Variants in STRC observed in about 807,000 individuals in gnomAD.
STRC encodes stereocilin.
In STRC, 43 loss-of-function variants were observed where a neutral mutation model predicts 103.5. That is an observed-to-expected ratio of 0.42 (90% CI 0.33 to 0.54). STRC has a LOEUF of 0.54. Ranked by LOEUF, STRC falls within the 20% of genes least tolerant of loss-of-function variation. The pLI is 0.14. For missense variants in STRC, 499 were observed against 1,088.5 expected (o/e 0.46, Z 7.62); for synonymous variants, 186 against 442.3 (o/e 0.42, Z 7.27).
chr15:43,603,638 A>G, intron 22 of STRC: 1 of 648,346 alleles, frequency 1.5e-6, no homozygotes, highest in Non-Finnish European at 2.7e-6. Flanking sequence ...GATGTTATTC[A>G]GAGATTTAAT....
intron 23 of STRC, chr15:43,602,630 T>G (rs1237630176): frequency 6.4e-6 from 1 of 155,676 alleles, no homozygotes; most frequent in Non-Finnish European, 1.4e-5. Context: ...CGCAAATTCA[T>G]GAAGCATGCC....
chr15:43,600,786 A>G lies in STRC; in HGVS notation c.4844+86T>C, dbSNP rs999717999. 34 of 1,613,130 alleles carry G rather than the reference A, an allele frequency of 2.1e-5. 1 individual carries two copies. The highest frequency in any genetic ancestry group is 2.9e-5 in the Non-Finnish European group (34 of 1,179,524). ...GGCTTCAAATGAGTTCCCTTCCTCCATGGGACCAGACCTTCATGATCCTTC... is the reference window on the plus strand; with the variant it reads ...GGCTTCAAATGAGTTCCCTTCCTCCGTGGGACCAGACCTTCATGATCCTTC... On this transcript the variant is annotated intron_variant, in intron 25 of 28. Coordinates refer to ENST00000450892, the MANE Select transcript of STRC (RefSeq NM_153700.2).
chr15:43,604,713 A>C lies in STRC; in HGVS notation c.4064T>G (p.Phe1355Cys). Residue 1355 changes from phenylalanine to cysteine, a missense_variant, in exon 20 of 29, where the codon TTC becomes TGC. By Grantham distance (205) the Phe-to-Cys change is radical. Coordinates refer to ENST00000450892, the MANE Select transcript of STRC (RefSeq NM_153700.2). The part of the protein sequence containing the change: ...LLSHLSQLQG[F>C]CLGETFATEL... ...TGTGGCAAATGTCTCTCCTAGGCAG[A>C]AGCCTTGCAGCTGACTGAGATGGGA... The C allele has an allele frequency of 6.2e-7, 1 of 1,613,676 alleles. No individual in the cohort carries two copies. The highest frequency in any genetic ancestry group is 8.5e-7 in the Non-Finnish European group (1 of 1,179,712).
rs898365337 is a variant in STRC at position 43,604,797 on chromosome 15, G to T, written c.3980C>A (p.Pro1327His). The T allele has an allele frequency of 1.2e-6, 2 of 1,613,226 alleles. No homozygotes were observed. Among genetic ancestry groups the T allele is most frequent in the Non-Finnish European group, 1.7e-6 (2 of 1,179,556 alleles). Residue 1327 changes from proline (P) to histidine (H), a missense_variant, in exon 20 of 29, where the codon CCT (proline) becomes CAT (histidine). Pro to His is a moderately conservative substitution (Grantham distance 77). Transcript: ENST00000450892. ...VSGEVLETLG[P>H]LVGFLGTEST... ...CTCTGTCCCCAGGAATCCAACCAAA[G>T]GGCCTAAGGTCTCCAGCACTTCCCC... is the stretch of plus-strand genomic sequence containing the variant.
intron 23 of STRC, chr15:43,602,635 C>T (rs985072990): frequency 1.9e-5 from 3 of 154,346 alleles, no homozygotes; most frequent in Non-Finnish European, 4.2e-5. Context: ...ATTCATGAAG[C>T]ATGCCTTTTT....
intron 21 of STRC, 92 bp from the exon 22 acceptor site, chr15:43,604,244 C>T: frequency 6.3e-7 from 1 of 1,596,150 alleles, no homozygotes; most frequent in Non-Finnish European, 8.6e-7. Context: ...CTCTGTTTTG[C>T]AGTCTCCCCC....
rs887637368 is a variant in STRC at position 43,601,523 on chromosome 15, G to A, written c.4574C>T (p.Pro1525Leu). The A allele has an allele frequency of 1.2e-6, 2 of 1,613,716 alleles. No individual in the cohort carries two copies. Among genetic ancestry groups the A allele is most frequent in the Admixed American group, 3.3e-5 (2 of 59,988 alleles). Residue 1525 changes from proline (P) to leucine (L), a missense_variant, in exon 24 of 29, where the codon CCT (proline) becomes CTT (leucine). Coordinates refer to ENST00000450892, the MANE Select transcript of STRC (RefSeq NM_153700.2). ...CCTACCAAGCTGCAGGATCTGCTCAGGACGAAATCCCCGGGGGGGACCCCA... is the reference window on the plus strand; with the variant it reads ...CCTACCAAGCTGCAGGATCTGCTCAAGACGAAATCCCCGGGGGGGACCCCA... Reference protein sequence around the residue: ...QLWGPPRGFRPEQILQLGRLL... With the variant: ...QLWGPPRGFRLEQILQLGRLL...
intron 22 of STRC, 40 bp from the exon 23 acceptor site, chr15:43,603,451 T>C: frequency 6.3e-7 from 1 of 1,596,902 alleles, no homozygotes; most frequent in Non-Finnish European, 8.6e-7. Flanking sequence ...AGCGCAGTAA[T>C]AAAATATGCC....
Position 43,609,250 on chromosome 15 carries a change from C to A in STRC, c.3557+26G>T, listed in dbSNP as rs200248996. On this transcript the variant is annotated intron_variant, in intron 16 of 28. Transcript: ENST00000450892. The stretch of plus-strand genomic sequence containing the variant: ...TCAAAAAAATGTTGGTCGAATTCAG[C>A]GCACTGCTCAACACAAGTTACTCAC... 3 of 1,607,888 alleles carry A rather than the reference C, an allele frequency of 1.9e-6. No homozygotes were observed. In the East Asian group the frequency reaches 6.8e-5, roughly 36 times the overall value.
At chr15:43,600,785 C>G in intron 25 of STRC, 87 bp downstream of exon 25, 1 of 1,613,090 alleles carries the variant, frequency 6.2e-7, no homozygotes, top group Non-Finnish European at 8.5e-7. Flanking sequence ...TCCCTTCCTC[C>G]ATGGGACCAG....
chr15:43,600,882 A>C lies in STRC; in HGVS notation c.4834T>G (p.Trp1612Gly). The change falls in exon 25 of 29, where the codon TGG becomes GGG. Residue 1612 changes from tryptophan (W) to glycine (G), a missense_variant. Coordinates refer to ENST00000450892, the MANE Select transcript of STRC (RefSeq NM_153700.2). ...RPEELQHISS[W>G]EFSQAALFLG... is the part of the protein sequence containing the mutation. The stretch of plus-strand genomic sequence containing the variant: ...CCCTTCACAAATGACCTGAACTCCC[A>C]ACTGCTGATGTGCTGGAGCTCCTCT... 1 of 1,613,220 alleles carries C rather than the reference A, an allele frequency of 6.2e-7. No individual in the cohort carries two copies. Among genetic ancestry groups the C allele is most frequent in the Non-Finnish European group, 8.5e-7 (1 of 1,179,784 alleles).
intron 22 of STRC, 148 bp downstream of exon 22, chr15:43,603,848 A>G: frequency 1.4e-6 from 2 of 1,454,270 alleles, no homozygotes; most frequent in Non-Finnish European, 1.8e-6. Context: ...AGAATTCTAG[A>G]ACTACAAGAG....
intron 20 of STRC, 45 bp from the exon 21 acceptor site, chr15:43,604,496 G>T (rs1175284671): frequency 6.4e-7 from 1 of 1,570,984 alleles, no homozygotes; most frequent in African/African-American, 1.4e-5. Context: ...TGAGGGAACT[G>T]TGAGGAAAAG....
rs1214845005 is a variant in STRC, at chr15:43,608,084, C to T, written c.3677G>A (p.Ser1226Asn). ...IYQLPTRVRGSLRACIWAELQ... is the reference protein window; with the variant it reads ...IYQLPTRVRGNLRACIWAELQ... ...AGTCCAGGCACCCCCTCTCACCAGG[C>T]TCCCTCGAACTCTAGTGGGCAGCTG... Residue 1226 changes from serine to asparagine, a missense_variant, in exon 17 of 29, where the codon AGC (serine) becomes AAC (asparagine). By Grantham distance (46) the Ser-to-Asn change is conservative (BLOSUM62 1). Transcript: ENST00000450892. 5 of 1,610,212 alleles carry T rather than the reference C, an allele frequency of 3.1e-6. No homozygotes were observed. In the Admixed American group the frequency reaches 8.4e-5, roughly 27 times the overall value.
At chr15:43,601,595 TG>T (rs1441327044) in intron 23 of STRC, 44 bp from the exon 24 acceptor site, 1 of 1,602,898 alleles carries the variant, frequency 6.2e-7, no homozygotes, top group South Asian at 1.1e-5. Context: ...AGCAGTGGAT[TG>T]GGAGTCATAC....
intron 15 of STRC, 189 bp from the exon 16 acceptor site, chr15:43,609,523 G>A: frequency 3.2e-6 from 2 of 625,458 alleles, no homozygotes; most frequent in Middle Eastern, 3.7e-4. Flanking sequence ...AAAAGGGAAG[G>A]AGAAAGAAAA....
Position 43,607,960 on chromosome 15 carries a change from C to T in STRC, c.3697G>A (p.Ala1233Thr), listed in dbSNP as rs1484309377. The change falls in exon 18 of 29, where the codon GCA becomes ACA. Residue 1233 changes from alanine to threonine, a missense_variant. Transcript: ENST00000450892. ...VRGSLRACIW[A>T]ELQRRMAMPE... Reference sequence around the variant, plus strand: ...ATTGCCATCCTCCGCTGTAGCTCTGCCCAGATACAGGCCCTCTGTAGGGAA... The same window carrying T: ...ATTGCCATCCTCCGCTGTAGCTCTGTCCAGATACAGGCCCTCTGTAGGGAA... The T allele has an allele frequency of 5.0e-6, 8 of 1,610,134 alleles. No homozygotes were observed. Among genetic ancestry groups the T allele is most frequent in the South Asian group, 1.1e-5 (1 of 91,004 alleles).
Position 43,604,056 on chromosome 15 carries a change from C to A in STRC, c.4315G>T (p.Ala1439Ser). Residue 1439 changes from alanine (A) to serine (S), a missense_variant, in exon 22 of 29, where the codon GCT becomes TCT. Ala to Ser is a moderately conservative substitution (Grantham distance 99). Transcript: ENST00000450892. ...GCTACCAGGGCTGCTTTCTTGGCAG[C>A]AAGCTGTGGCTCCCTACACAGCTGT... ...VGQLCREPQL[A>S]AKKAALVAGV... is the part of the protein sequence containing the mutation. The A allele has an allele frequency of 6.2e-7, 1 of 1,613,358 alleles. No homozygotes were observed. Among genetic ancestry groups the A allele is most frequent in the Non-Finnish European group, 8.5e-7 (1 of 1,179,682 alleles).
rs779066622 is a variant in STRC at position 43,611,012 on chromosome 15, G to A, written c.3307-28C>T. On this transcript the variant is annotated intron_variant, in intron 13 of 28. Transcript: ENST00000450892. ...GCATGAGAATTGGTTGTGTGTGTGT[G>A]TGTGTGTGTGTGTGTGTGTGTGTGT... The A allele has an allele frequency of 3.0e-5, 48 of 1,610,774 alleles. 1 individual carries two copies. Among genetic ancestry groups the A allele is most frequent in the Non-Finnish European group, 3.7e-5 (44 of 1,178,696 alleles).
Sources: allele counts gnomAD v4.1 joint callset, GRCh38; gene constraint gnomAD v4.1.1; transcripts MANE v1.5; gene names NCBI Gene and HGNC (gene_info 2026-07-23, HGNC 2026-07-21).